ADGRV1: variants seen among roughly 807,000 people sequenced by gnomAD.
ADGRV1 encodes G-protein coupled receptor 98.
A neutral mutation model predicts 596.2 loss-of-function variants in ADGRV1; 359 were observed. That is an observed-to-expected ratio of 0.60 (90% CI 0.55 to 0.66). ADGRV1 has a LOEUF of 0.66. Among genes scored for constraint, ADGRV1 ranks in the 30% least tolerant of loss-of-function variants. ADGRV1 has a pLI of 0.00. For missense variants in ADGRV1, 7,274 were observed against 7,575.6 expected (o/e 0.96, Z 1.48); for synonymous variants, 2,681 against 2,679.2 (o/e 1.00, Z -0.02).
Position 91,105,311 on chromosome 5 carries a change from G to A in ADGRV1, c.18432+2971G>A, listed in dbSNP as rs187420087. 2.3e-4 allele frequency among the ~76,000 whole-genome samples: 35 copies of A among 152,302 alleles called. No homozygotes were observed. The East Asian group carries it at 5.6e-3, about 24-fold the overall frequency. ...CAGCAACAAACATGGGTGTGCAGAT[G>A]TCTCTTCAATACACTGATTTTCTTT... On this transcript the variant is annotated intron_variant, in intron 87 of 89. Transcript: ENST00000405460.
intron 77 of ADGRV1, among the ~76,000 whole-genome samples, chr5:90,839,122 C>T (rs1169557021): frequency 6.6e-6 from 1 of 152,128 alleles, no homozygotes; most frequent in African/African-American, 2.4e-5. Flanking sequence ...TGCTTGAATC[C>T]TCTAGGGTCT....
chr5:91,077,177 C>T (rs1025018097), intron 86 of ADGRV1, among the ~76,000 whole-genome samples: 3 of 152,110 alleles, frequency 2.0e-5, no homozygotes, highest in Admixed American at 6.6e-5. Flanking sequence ...ATACCGTGGG[C>T]ATCTCTATAG....
chr5:91,074,056 A>G lies in ADGRV1; in HGVS notation c.18310+1452A>G, dbSNP rs536090777. On this transcript the variant is annotated intron_variant, in intron 86 of 89. Coordinates refer to ENST00000405460, the MANE Select transcript of ADGRV1 (RefSeq NM_032119.4). ...TAACTCCTTTAATAAAAAATATTCAATGTATAAATTCTACTTTTTCACGGG... is the reference window on the plus strand; with the variant it reads ...TAACTCCTTTAATAAAAAATATTCAGTGTATAAATTCTACTTTTTCACGGG... Among the ~76,000 whole-genome samples, 5 of 152,360 alleles carry G rather than the reference A, an allele frequency of 3.3e-5. No homozygotes were observed. The East Asian group carries it at 7.7e-4, about 23-fold the overall frequency.
chr5:90,625,744 G>C (rs1226714970), intron 6 of ADGRV1: 1 of 152,340 alleles, frequency 6.6e-6, no homozygotes, highest in Non-Finnish European at 1.5e-5. Flanking sequence ...GGGACTACAG[G>C]TGCCTGCCAC....
chr5:91,117,557 C>A (rs2950854), intron 87 of ADGRV1, among the ~76,000 whole-genome samples: 18,818 of 152,140 alleles, frequency 0.12, 1,307 homozygotes, highest in African/African-American at 0.2. Context: ...TACCCAATAA[C>A]ATATGAGCAG....
intron 85 of ADGRV1, among the ~76,000 whole-genome samples, chr5:91,043,610 G>A (rs1785547802): frequency 6.6e-6 from 1 of 152,054 alleles, no homozygotes; most frequent in Non-Finnish European, 1.5e-5. Context: ...ATAAAATGGG[G>A]ATTATAATTC....
chr5:90,853,250 C>G (rs1766706296), intron 79 of ADGRV1, 34 bp from the exon 80 acceptor site: 1 of 1,559,380 alleles, frequency 6.4e-7, no homozygotes, highest in Non-Finnish European at 8.7e-7. Flanking sequence ...CAAATACATG[C>G]CATTTTTACA....
intron 84 of ADGRV1, among the ~76,000 whole-genome samples, chr5:90,983,303 CA>C (rs1180406562): frequency 2.0e-5 from 3 of 152,158 alleles, no homozygotes; most frequent in African/African-American, 7.2e-5. Flanking sequence ...CAAGGCCAGA[CA>C]GCTGCTGACA....
At position 90,713,270 on chromosome 5, in the gene ADGRV1, C is replaced by A. The variant is rs149976724; in HGVS notation, c.9184+842C>A. Among the ~76,000 whole-genome samples, 10 of 151,452 alleles carry A rather than the reference C, an allele frequency of 6.6e-5. No homozygotes were observed. The East Asian group carries it at 1.9e-3, about 29-fold the overall frequency. On this transcript the variant is annotated intron_variant, in intron 42 of 89. Coordinates refer to ENST00000405460, the MANE Select transcript of ADGRV1 (RefSeq NM_032119.4). ...GAAAATATAAAAGAATTCTGAGTAA[C>A]CCAAGGATTGGTTTTTACTTTTCTT... is the stretch of plus-strand genomic sequence containing the variant.
intron 85 of ADGRV1, among the ~76,000 whole-genome samples, chr5:91,015,574 T>C (rs944129352): frequency 1.3e-5 from 2 of 152,102 alleles, no homozygotes; most frequent in Admixed American, 6.6e-5. Context: ...CTGTGTTGGG[T>C]GCATATATAT....
chr5:90,843,842 A>C (rs1377595985), intron 78 of ADGRV1, among the ~76,000 whole-genome samples: 2 of 151,776 alleles, frequency 1.3e-5, no homozygotes, highest in African/African-American at 2.4e-5. Context: ...GGGCCTGACT[A>C]AATGAATGCA....
Position 91,092,225 on chromosome 5 carries a change from G to A in ADGRV1, c.18311-9994G>A, listed in dbSNP as rs367698378. Among the ~76,000 whole-genome samples, 16 of 152,122 alleles carry A rather than the reference G, an allele frequency of 1.1e-4. No homozygotes were observed. In the East Asian group the frequency reaches 2.5e-3, roughly 24 times the overall value. On this transcript the variant is annotated intron_variant, in intron 86 of 89. Transcript: ENST00000405460. Reference sequence around the variant, plus strand: ...AAGCAATTTCCTGCCTCAGCCTCCCGAATAGCTGGGATTACAGGTGCCTGC... The same window carrying A: ...AAGCAATTTCCTGCCTCAGCCTCCCAAATAGCTGGGATTACAGGTGCCTGC...
chr5:90,778,359 T>C, intron 62 of ADGRV1, 68 bp from the exon 63 acceptor site: 1 of 1,321,632 alleles, frequency 7.6e-7, no homozygotes, highest in South Asian at 1.3e-5. Flanking sequence ...TTGTTATTAT[T>C]TAGAGGTTAG....
chr5:91,102,104 G>A, intron 86 of ADGRV1, 115 bp from the exon 87 acceptor site: 2 of 914,416 alleles, frequency 2.2e-6, no homozygotes, highest in Non-Finnish European at 3.2e-6. Flanking sequence ...GATTTCCAAG[G>A]TTGTTCTCTC....
At chr5:90,855,445 T>G (rs1198068176) in intron 81 of ADGRV1, among the ~76,000 whole-genome samples, 1 of 152,148 alleles carries the variant, frequency 6.6e-6, no homozygotes, top group Non-Finnish European at 1.5e-5. Flanking sequence ...TCGGGTAGGT[T>G]TGCTAGATTA....
At chr5:90,592,201 T>G (rs985400309) in intron 1 of ADGRV1, among the ~76,000 whole-genome samples, 5 of 152,154 alleles carry the variant, frequency 3.3e-5, no homozygotes, top group Admixed American at 1.3e-4. Flanking sequence ...ATTGCAAAAA[T>G]ATGGAACTAG....
chr5:91,033,206 A>G (rs1784618734), intron 85 of ADGRV1, among the ~76,000 whole-genome samples: 1 of 152,200 alleles, frequency 6.6e-6, no homozygotes. Flanking sequence ...TAAAATACAT[A>G]TACTTAAAAA....
chr5:90,653,482 TA>T lies in ADGRV1; in HGVS notation c.3909del (p.Leu1303PhefsTer31). ...PAGLPPMIDF[L>X]LVGIFPTTVH... ...GGTTTGCCACCAATGATAGATTTTTTACTGGTTGGAATTTTCCCCACCACCG... is the reference window on the plus strand; with the variant it reads ...GGTTTGCCACCAATGATAGATTTTTTCTGGTTGGAATTTTCCCCACCACCG... On this transcript the variant is annotated frameshift_variant, in exon 20 of 90. Transcript: ENST00000405460. LOFTEE classifies it high-confidence loss of function. The T allele has an allele frequency of 6.2e-7, 1 of 1,613,980 alleles. No individual in the cohort carries two copies. The highest frequency in any genetic ancestry group is 8.5e-7 in the Non-Finnish European group (1 of 1,179,878).
intron 83 of ADGRV1, among the ~76,000 whole-genome samples, chr5:90,915,959 A>C (rs1329642508): frequency 6.6e-6 from 1 of 152,096 alleles, no homozygotes; most frequent in African/African-American, 2.4e-5. Flanking sequence ...CCTTATATTT[A>C]AGGTGGCAGG....
Sources: gnomAD v4.1 joint callset for allele counts (sites outside exome capture counted in the v4.1 genomes callset) on GRCh38, gnomAD v4.1.1 for gene constraint, MANE v1.5 for transcripts, NCBI Gene and HGNC (gene_info 2026-07-23, HGNC 2026-07-21) for gene names.